The following CFAP20DC variants were observed in gnomAD, a reference collection of about 807,000 sequenced individuals.
CFAP20DC encodes CFAP20 domain containing.
Under a neutral mutation model 101.7 loss-of-function variants are expected in CFAP20DC, and 84 were observed. The ratio of observed to expected loss-of-function variants is 0.83; its 90% CI spans 0.69 to 0.99. CFAP20DC has a LOEUF of 0.99. Among genes scored for constraint, CFAP20DC ranks in the 50% least tolerant of loss-of-function variants. The pLI is 0.00. For missense variants in CFAP20DC, 1,007 were observed against 970.3 expected, an observed-to-expected ratio of 1.04 and a Z score of -0.50; for synonymous variants, 359 against 351.2, an observed-to-expected ratio of 1.02 and a Z score of -0.25.
Position 58,730,695 on chromosome 3 carries a change from T to C in CFAP20DC, c.198-13067A>G, listed in dbSNP as rs73090205. ...AGAAAGACTATGAATGAAGCTGGTT[T>C]GGTGAATTTTGAATGTTTACATTTG... is the stretch of plus-strand genomic sequence containing the variant. On this transcript the variant is annotated intron_variant, in intron 3 of 3. Coordinates refer to the CFAP20DC transcript ENST00000486145. 1.7e-3 allele frequency among the ~76,000 whole-genome samples: 253 copies of C among 152,354 alleles called. 1 individual carries two copies. Among genetic ancestry groups the C allele is most frequent in the Non-Finnish European group, 2.8e-3 (189 of 68,036 alleles).
chr3:58,867,262 T>C (rs773764538), intron 10 of CFAP20DC, among the ~76,000 whole-genome samples: 2 of 152,210 alleles, frequency 1.3e-5, no homozygotes. Flanking sequence ...GACTGATATA[T>C]GTGTATACTA....
intron 4 of CFAP20DC, among the ~76,000 whole-genome samples, chr3:58,942,661 A>G (rs1386910194): frequency 1.3e-5 from 2 of 152,190 alleles, no homozygotes; most frequent in Non-Finnish European, 2.9e-5. Flanking sequence ...TTGGGCAGAC[A>G]TCGAGCTAGC....
At chr3:58,834,657 C>T (rs1225186847) in intron 13 of CFAP20DC, among the ~76,000 whole-genome samples, 1 of 152,086 alleles carries the variant, frequency 6.6e-6, no homozygotes, top group Non-Finnish European at 1.5e-5. Flanking sequence ...CCTCTCTATG[C>T]ATCAACTTCT....
In CFAP20DC at chr3:58,722,514, A is replaced by G. The variant is rs934640075; in HGVS notation, c.198-4886T>C. Among the ~76,000 whole-genome samples the G allele has an allele frequency of 2.0e-5, 3 of 152,190 alleles. No homozygotes were observed. Among genetic ancestry groups the G allele is most frequent in the Non-Finnish European group, 4.4e-5 (3 of 68,038 alleles). ...ATTGGAACTCAGAGGTTCTGTTTAA[A>G]GGACTCTAATTCTCTCTCGTGATGG... On this transcript the variant is annotated intron_variant, in intron 3 of 3. Transcript: ENST00000486145. The surrounding 1 kb of genome is among the most constrained non-coding windows in gnomAD (Gnocchi z 4.5).
chr3:58,736,683 G>A (rs1015144400), intron 3 of CFAP20DC, among the ~76,000 whole-genome samples: 1 of 152,090 alleles, frequency 6.6e-6, no homozygotes, highest in African/African-American at 2.4e-5. Flanking sequence ...AATATTGACC[G>A]TACTTATTAC....
intron 16 of CFAP20DC, among the ~76,000 whole-genome samples, chr3:58,747,449 C>A (rs965714289): frequency 3.3e-5 from 5 of 152,110 alleles, no homozygotes; most frequent in Admixed American, 6.6e-5. Flanking sequence ...CCTACACACC[C>A]AAGATGTCTC....
chr3:58,993,997 G>C (rs1381186484), intron 4 of CFAP20DC, among the ~76,000 whole-genome samples: 1 of 152,138 alleles, frequency 6.6e-6, no homozygotes, highest in African/African-American at 2.4e-5. Context: ...AGGTCTTTGA[G>C]GAATCATGAC....
intron 6 of CFAP20DC, among the ~76,000 whole-genome samples, chr3:58,905,398 T>C (rs1261414644): frequency 6.6e-6 from 1 of 152,204 alleles, no homozygotes; most frequent in Non-Finnish European, 1.5e-5. Flanking sequence ...AATTCAGTCA[T>C]AGAAATGCCT....
At chr3:58,930,476 C>T (rs963399679) in intron 5 of CFAP20DC, among the ~76,000 whole-genome samples, 10 of 152,160 alleles carry the variant, frequency 6.6e-5, no homozygotes, top group African/African-American at 1.2e-4. Context: ...TGATTTTAGA[C>T]GGTACATGGG....
At chr3:58,813,581 A>G (rs1425432606) in intron 14 of CFAP20DC, among the ~76,000 whole-genome samples, 1 of 152,010 alleles carries the variant, frequency 6.6e-6, no homozygotes. Context: ...CAGAGCTCAT[A>G]CTCCTTAGCT....
intron 4 of CFAP20DC, among the ~76,000 whole-genome samples, chr3:58,956,697 G>C (rs2090661204): frequency 6.6e-6 from 1 of 152,170 alleles, no homozygotes; most frequent in African/African-American, 2.4e-5. Flanking sequence ...TGCTAATAAA[G>C]ACATACCCAA....
At chr3:58,843,149 T>C (rs1228204722) in intron 13 of CFAP20DC, among the ~76,000 whole-genome samples, 7 of 152,126 alleles carry the variant, frequency 4.6e-5, no homozygotes, top group Non-Finnish European at 7.3e-5. Flanking sequence ...AGCAACGGAA[T>C]AAAGCTGGAT....
At chr3:58,816,228 G>C (rs2075120322) in intron 14 of CFAP20DC, among the ~76,000 whole-genome samples, 1 of 152,092 alleles carries the variant, frequency 6.6e-6, no homozygotes, top group Non-Finnish European at 1.5e-5. Flanking sequence ...GATGAGACTG[G>C]AAATCATCAT....
At chr3:58,967,168 G>T (rs532007545) in intron 4 of CFAP20DC, among the ~76,000 whole-genome samples, 4 of 152,276 alleles carry the variant, frequency 2.6e-5, no homozygotes, top group African/African-American at 7.2e-5. Flanking sequence ...ATATAAATCA[G>T]TGGAAAAAAA....
At chr3:58,978,498 T>C (rs2092378297) in intron 4 of CFAP20DC, among the ~76,000 whole-genome samples, 1 of 151,964 alleles carries the variant, frequency 6.6e-6, no homozygotes, top group Admixed American at 6.6e-5. Context: ...CACATGATGC[T>C]AGGAGTTCGA....
chr3:58,811,681 C>T (rs1235305751), intron 14 of CFAP20DC, among the ~76,000 whole-genome samples: 1 of 152,080 alleles, frequency 6.6e-6, no homozygotes, highest in African/African-American at 2.4e-5. Context: ...AAGTCAATGG[C>T]AACAAAAGCC....
At chr3:58,931,646 G>T (rs567865059) in intron 5 of CFAP20DC, among the ~76,000 whole-genome samples, 6 of 143,820 alleles carry the variant, frequency 4.2e-5, no homozygotes, top group African/African-American at 5.0e-5. Context: ...CCACCGCTGC[G>T]GATACCCAGG....
intron 15 of CFAP20DC, among the ~76,000 whole-genome samples, chr3:58,756,005 A>G (rs751278799): frequency 1.3e-5 from 2 of 152,218 alleles, no homozygotes; most frequent in Non-Finnish European, 2.9e-5. Flanking sequence ...GTCCATAAAT[A>G]AAAATGTATG....
In CFAP20DC at chr3:59,049,598, C is replaced by A; in HGVS notation, c.21+13G>T. On this transcript the variant is annotated intron_variant, in intron 1 of 16. Transcript: ENST00000482387. ...GAAAGGTATAGACAGGTTGGAGAAC[C>A]GTTTCGGGTTACCTGGTACTCATTT... 2.0e-6 allele frequency: 3 copies of A among 1,535,952 alleles called. No individual in the cohort carries two copies. The highest frequency in any genetic ancestry group is 2.6e-6 in the Non-Finnish European group (3 of 1,146,722).
Sources: gnomAD v4.1 joint callset for allele counts (sites outside exome capture counted in the v4.1 genomes callset) on GRCh38, gnomAD v4.1.1 for gene constraint, Gnocchi (gnomAD v3.1) non-coding constraint, MANE v1.5 for transcripts, NCBI Gene and HGNC (gene_info 2026-07-23, HGNC 2026-07-21) for gene names.